The following SGSM1 variants were observed in gnomAD, a reference collection of about 807,000 sequenced individuals.
SGSM1 encodes the protein small G protein signaling modulator 1.
In SGSM1, 73 loss-of-function variants were observed where a neutral mutation model predicts 133.8. The ratio of observed to expected loss-of-function variants is 0.55; its 90% CI spans 0.45 to 0.66. SGSM1 has a LOEUF of 0.66. SGSM1 is among the 30% of genes least tolerant of loss of function. The pLI, the probability that SGSM1 is intolerant of heterozygous loss-of-function variation, is 0.00. For missense variants in SGSM1, 1,213 were observed against 1,448.1 expected (o/e 0.84, Z 2.64); for synonymous variants, 563 against 573.0 (o/e 0.98, Z 0.25).
chr22:24,837,657 C>T (rs1052271226), intron 2 of SGSM1, among the ~76,000 whole-genome samples: 7 of 150,304 alleles, frequency 4.7e-5, no homozygotes, highest in African/African-American at 1.2e-4. Context: ...GACCACGATC[C>T]GCCTGGTAAC....
At chr22:24,814,927 C>T (rs901700848) in intron 2 of SGSM1, among the ~76,000 whole-genome samples, 1 of 152,200 alleles carries the variant, frequency 6.6e-6, no homozygotes, top group Non-Finnish European at 1.5e-5. Context: ...GCTGGCTGCC[C>T]ATCAGCTCCT....
rs781120724 is a variant in SGSM1, at chr22:24,924,163, G to A, written c.3194-23G>A. The A allele has an allele frequency of 3.1e-6, 5 of 1,612,632 alleles. No individual in the cohort carries two copies. The South Asian group carries it at 5.5e-5, about 18-fold the overall frequency. On this transcript the variant is annotated intron_variant, in intron 24 of 24. Coordinates refer to ENST00000400358, the MANE Select transcript of SGSM1 (RefSeq NM_001098497.3). Reference sequence around the variant, plus strand: ...ACTGGACACAGAAGGAGGCTCATGAGATTTTTCTTTCTGCTCTTTCAGAAA... The same window carrying A: ...ACTGGACACAGAAGGAGGCTCATGAAATTTTTCTTTCTGCTCTTTCAGAAA...
At chr22:24,820,832 G>A (rs1320083584) in intron 2 of SGSM1, among the ~76,000 whole-genome samples, 2 of 152,246 alleles carry the variant, frequency 1.3e-5, no homozygotes, top group African/African-American at 4.8e-5. Flanking sequence ...CCTGCCTTCA[G>A]CCTAGAGGGC....
chr22:24,898,305 C>T lies in SGSM1; in HGVS notation c.2356C>T (p.Leu786Phe). The T allele has an allele frequency of 1.2e-6, 2 of 1,613,948 alleles. No individual in the cohort carries two copies. The highest frequency in any genetic ancestry group is 1.7e-6 in the Non-Finnish European group (2 of 1,179,890). ...LAVQDSLESDLLANESMDEFM... is the reference protein window; with the variant it reads ...LAVQDSLESDFLANESMDEFM... ...CGTGCAGGACAGCCTGGAGAGTGAC[C>T]TCCTGGCCAACGAGAGCATGGACGA... is the stretch of plus-strand genomic sequence containing the variant. The change falls in exon 19 of 25, where the codon CTC (leucine) becomes TTC (phenylalanine). Residue 786 changes from leucine (L) to phenylalanine (F), a missense_variant. Physicochemically the swap from Leu to Phe is conservative, Grantham distance 22 (BLOSUM62 0). Transcript: ENST00000400358.
At chr22:24,817,718 G>C (rs905937402) in intron 2 of SGSM1, among the ~76,000 whole-genome samples, 3 of 152,110 alleles carry the variant, frequency 2.0e-5, no homozygotes, top group African/African-American at 7.2e-5. Context: ...GTACGGTTTA[G>C]CATCACCCTG....
At chr22:24,836,896 C>T (rs1157569412) in intron 2 of SGSM1, among the ~76,000 whole-genome samples, 1 of 152,108 alleles carries the variant, frequency 6.6e-6, no homozygotes, top group Non-Finnish European at 1.5e-5. Context: ...TTATTTTGTT[C>T]TTTGATCCAC....
At chr22:24,856,014 TATCCATCCATCCATCCATCC>T in intron 8 of SGSM1, 1 of 462,466 alleles carries the variant, frequency 2.2e-6, no homozygotes, top group Admixed American at 2.6e-5. Flanking sequence ...TCTTTACATC[TATCCATCCATCCATCCATCC>T]ATCCATCCCT....
chr22:24,918,740 TC>T (rs1367847864), intron 23 of SGSM1, among the ~76,000 whole-genome samples: 1 of 151,820 alleles, frequency 6.6e-6, no homozygotes. Context: ...TTTTTTTTTT[TC>T]TTTTTTGGAG....
chr22:24,827,126 G>A (rs1359297743), intron 2 of SGSM1, among the ~76,000 whole-genome samples: 1 of 152,140 alleles, frequency 6.6e-6, no homozygotes, highest in Non-Finnish European at 1.5e-5. Context: ...AGTAAACCCA[G>A]CCCAGTGTGG....
chr22:24,913,725 C>G (rs1933717101), intron 22 of SGSM1, among the ~76,000 whole-genome samples: 1 of 152,174 alleles, frequency 6.6e-6, no homozygotes, highest in Non-Finnish European at 1.5e-5. Context: ...CAAGAAATAA[C>G]ACATTAACCA....
At chr22:24,847,849 G>T (rs1655815187) in intron 4 of SGSM1, 53 bp downstream of exon 4, 2 of 1,586,884 alleles carry the variant, frequency 1.3e-6, no homozygotes, top group Non-Finnish European at 1.7e-6. Context: ...ATAGTCCACA[G>T]TCCTCCCTGG....
At chr22:24,810,884 G>A (rs1334300313) in intron 2 of SGSM1, among the ~76,000 whole-genome samples, 1 of 152,150 alleles carries the variant, frequency 6.6e-6, no homozygotes, top group African/African-American at 2.4e-5. Flanking sequence ...TAAGAAGGTT[G>A]GAGAAAAACG....
chr22:24,900,360 T>C (rs1933094217), intron 19 of SGSM1, among the ~76,000 whole-genome samples: 1 of 94,768 alleles, frequency 1.1e-5, no homozygotes, highest in African/African-American at 4.6e-5. Context: ...TCTTTCTTTC[T>C]TTCTTTCTTT....
chr22:24,911,516 T>A (rs1411519886), intron 21 of SGSM1, among the ~76,000 whole-genome samples: 1 of 152,098 alleles, frequency 6.6e-6, no homozygotes, highest in Non-Finnish European at 1.5e-5. Flanking sequence ...AAGTGCAGTA[T>A]GGAAGGCAGT....
At position 24,925,653 on chromosome 22, in the gene SGSM1, GGT is replaced by G. The variant is rs534663351; in HGVS notation, c.*1386_*1387del. The G allele has an allele frequency of 1.6e-4, 24 of 152,318 alleles. No homozygotes were observed. In the East Asian group the frequency reaches 4.4e-3, roughly 28 times the overall value. The allele number at this position is 152,318 out of a possible 1,614,324, so 9.4% of individuals were successfully genotyped here. A position where few individuals can be genotyped will look rare whatever the true frequency, so the allele number is the denominator to read the frequency against. ...CCTTCCAAGTATTGGGTCTTGGAAA[GGT>G]GTGTGTTTGGTGAAAGCCACTTAAT... On this transcript the variant is annotated 3_prime_UTR_variant, in exon 25 of 25. Coordinates refer to ENST00000400358, the MANE Select transcript of SGSM1 (RefSeq NM_001098497.3).
intron 2 of SGSM1, among the ~76,000 whole-genome samples, chr22:24,808,726 G>C (rs1927563438): frequency 6.6e-6 from 1 of 152,138 alleles, no homozygotes. Context: ...TTCTCTCTAG[G>C]AGTCAGTTTC....
intron 2 of SGSM1, among the ~76,000 whole-genome samples, chr22:24,828,560 A>G (rs1181836685): frequency 6.6e-6 from 1 of 152,228 alleles, no homozygotes; most frequent in Non-Finnish European, 1.5e-5. Flanking sequence ...CCACAGTGAG[A>G]TACCATCTCA....
intron 3 of SGSM1, 26 bp downstream of exon 3, chr22:24,844,998 C>A (rs745431737): frequency 6.2e-7 from 1 of 1,610,842 alleles, no homozygotes. Context: ...GGGAAAGTGG[C>A]TTCTTTCTCT....
At chr22:24,923,355 C>CT (rs5844615) in intron 24 of SGSM1, among the ~76,000 whole-genome samples, 1,548 of 151,948 alleles carry the variant, frequency 0.01, 19 homozygotes, top group Middle Eastern at 0.024. Flanking sequence ...TAGTGTTTTT[C>CT]TTTTTTTTCT....
Sources: gnomAD v4.1 joint callset for allele counts (sites outside exome capture counted in the v4.1 genomes callset) on GRCh38, gnomAD v4.1.1 for gene constraint, MANE v1.5 for transcripts, NCBI Gene and HGNC (gene_info 2026-07-23, HGNC 2026-07-21) for gene names.